The following ECE1 variants were observed in gnomAD, a reference collection of about 807,000 sequenced individuals.
ECE1 encodes endothelin converting enzyme 1.
Under a neutral mutation model 98.6 loss-of-function variants are expected in ECE1, and 35 were observed. That is an observed-to-expected ratio of 0.35 (90% CI 0.27 to 0.47). The LOEUF is 0.47. Among genes scored for constraint, ECE1 ranks in the 20% least tolerant of loss-of-function variants. The probability of loss-of-function intolerance (pLI) is 1.00; values close to 1 mark genes in which losing one functional copy is unlikely to be tolerated. For missense variants in ECE1, 814 were observed against 1,025.3 expected (o/e 0.79, Z 2.81); for synonymous variants, 394 against 407.1 (o/e 0.97, Z 0.39).
rs576756933 is a variant in ECE1, at chr1:21,345,208, G to A, written c.3+168C>T. 2.9e-5 allele frequency: 27 copies of A among 928,820 alleles called. No homozygotes were observed. In the African/African-American group the frequency reaches 4.4e-4, roughly 15 times the overall value. The allele number at this position is 928,820 out of a possible 1,614,324, so 57.5% of individuals were successfully genotyped here. ...CCGCCGGGAGAGCCGCGCTCTGCCC[G>A]GGCGCTCCCCGACTCCACGCCTTCC... On this transcript the variant is annotated intron_variant, in intron 1 of 18. Coordinates refer to the ECE1 transcript ENST00000415912. The surrounding 1 kb of genome is among the most constrained non-coding windows in gnomAD (Gnocchi z 5.1).
intron 8 of ECE1, among the ~76,000 whole-genome samples, chr1:21,251,409 G>A (rs1432200614): frequency 1.3e-5 from 2 of 152,128 alleles, no homozygotes; most frequent in African/African-American, 4.8e-5. Flanking sequence ...CAGCTACTTG[G>A]GAGGCTGAGG....
chr1:21,285,005 A>C (rs1388498735), intron 2 of ECE1, among the ~76,000 whole-genome samples: 3 of 152,076 alleles, frequency 2.0e-5, no homozygotes, highest in Admixed American at 6.5e-5. Context: ...CCCCAAAGTC[A>C]GTTTGGGGAA....
At chr1:21,223,116 A>C (rs917891541) in intron 17 of ECE1, among the ~76,000 whole-genome samples, 2 of 151,542 alleles carry the variant, frequency 1.3e-5, no homozygotes, top group Non-Finnish European at 2.9e-5. Flanking sequence ...CTGGAACCAC[A>C]GATGCACGCC....
intron 10 of ECE1, among the ~76,000 whole-genome samples, chr1:21,242,798 A>T (rs1354482665): frequency 6.6e-6 from 1 of 152,126 alleles, no homozygotes; most frequent in East Asian, 1.9e-4. Flanking sequence ...TTAAAAAGTG[A>T]TGGGGTCTTG....
intron 10 of ECE1, among the ~76,000 whole-genome samples, chr1:21,241,199 G>A (rs2282716): frequency 0.052 from 7,873 of 151,820 alleles, 301 homozygotes; most frequent in East Asian, 0.14. Context: ...ACTACCCCCG[G>A]TAATTTTTGT....
intron 1 of ECE1, among the ~76,000 whole-genome samples, chr1:21,304,524 T>G (rs1569715199): frequency 6.6e-6 from 1 of 152,072 alleles, no homozygotes; most frequent in South Asian, 2.1e-4. Context: ...TTTCTTACTT[T>G]TAAAAAAGAG....
chr1:21,244,718 G>A (rs1260688169), intron 10 of ECE1, among the ~76,000 whole-genome samples: 1 of 152,198 alleles, frequency 6.6e-6, no homozygotes, highest in Non-Finnish European at 1.5e-5. Flanking sequence ...CCTGTGCAAA[G>A]TGGGGCTAAT....
chr1:21,241,401 C>G (rs1055570224), intron 10 of ECE1, among the ~76,000 whole-genome samples: 1 of 151,382 alleles, frequency 6.6e-6, no homozygotes, highest in Non-Finnish European at 1.5e-5. Context: ...AAGGGATCAC[C>G]CAGGGAGTAA....
chr1:21,228,122 G>T (rs2098176850), intron 14 of ECE1, 81 bp from the exon 15 acceptor site: 1 of 1,152,792 alleles, frequency 8.7e-7, no homozygotes, highest in Non-Finnish European at 1.2e-6. Flanking sequence ...GCTGCTTGGG[G>T]ATCGGGAATA....
chr1:21,252,137 C>G (rs1558388007), intron 8 of ECE1, among the ~76,000 whole-genome samples: 3 of 152,214 alleles, frequency 2.0e-5, no homozygotes. Context: ...GATCAAGGTA[C>G]AGATATAAGA....
chr1:21,335,940 T>C (rs1639298240), intron 1 of ECE1, among the ~76,000 whole-genome samples: 1 of 152,120 alleles, frequency 6.6e-6, no homozygotes, highest in Non-Finnish European at 1.5e-5. Context: ...GGCCCTTCCC[T>C]ACCCTGCAGA....
At chr1:21,274,899 T>C (rs991648140) in intron 3 of ECE1, among the ~76,000 whole-genome samples, 17 of 152,176 alleles carry the variant, frequency 1.1e-4, no homozygotes, top group African/African-American at 3.6e-4. Context: ...GATGGTGCCA[T>C]TTTAAATATC....
intron 13 of ECE1, among the ~76,000 whole-genome samples, chr1:21,234,721 C>T (rs535777183): frequency 1.3e-5 from 2 of 152,214 alleles, no homozygotes; most frequent in South Asian, 4.1e-4. Flanking sequence ...TCAATCAATC[C>T]CCCCACCTCA....
intron 12 of ECE1, among the ~76,000 whole-genome samples, 189 bp from the exon 13 acceptor site, chr1:21,236,116 G>A (rs1357274049): frequency 6.6e-6 from 1 of 152,240 alleles, no homozygotes; most frequent in Non-Finnish European, 1.5e-5. Context: ...TTAGGTCTCT[G>A]TTTAAATGTC....
At chr1:21,261,121 G>A (rs2098226332) in intron 4 of ECE1, among the ~76,000 whole-genome samples, 1 of 152,162 alleles carries the variant, frequency 6.6e-6, no homozygotes, top group African/African-American at 2.4e-5. Flanking sequence ...GGTCCACAAG[G>A]GACCCACTAT....
At chr1:21,264,604 C>T (rs1279469713) in intron 4 of ECE1, among the ~76,000 whole-genome samples, 3 of 152,142 alleles carry the variant, frequency 2.0e-5, no homozygotes, top group Non-Finnish European at 2.9e-5. Flanking sequence ...CGTCAGCCAC[C>T]GCACCCAGCC....
At chr1:21,249,563 G>A (rs1280282069) in intron 8 of ECE1, among the ~76,000 whole-genome samples, 1 of 152,016 alleles carries the variant, frequency 6.6e-6, no homozygotes, top group Non-Finnish European at 1.5e-5. Context: ...GCTAGGCATG[G>A]AGGTCTGAGC....
intron 8 of ECE1, among the ~76,000 whole-genome samples, chr1:21,250,386 T>C (rs879513687): frequency 1.1e-4 from 17 of 152,220 alleles, no homozygotes; most frequent in South Asian, 6.2e-4. Context: ...TTATATATAC[T>C]GCTACAGCAA....
rs551868551 is a variant in ECE1 at position 21,233,841 on chromosome 1, A to G, written c.1567-180T>C. Reference sequence around the variant, plus strand: ...CCTTCACCCTGGGGCACGAGATGGAATGACACCGTTGCAGGATGTGCCTAC... The same window carrying G: ...CCTTCACCCTGGGGCACGAGATGGAGTGACACCGTTGCAGGATGTGCCTAC... On this transcript the variant is annotated intron_variant, in intron 13 of 18. Transcript: ENST00000374893. The surrounding 1 kb of genome is among the most constrained non-coding windows in gnomAD (Gnocchi z 4.0). Among the ~76,000 whole-genome samples the G allele has an allele frequency of 3.3e-5, 5 of 152,210 alleles. No individual in the cohort carries two copies. The highest frequency in any genetic ancestry group is 3.3e-4 in the Admixed American group (5 of 15,286).
Sources: gnomAD v4.1 joint callset for allele counts (sites outside exome capture counted in the v4.1 genomes callset) on GRCh38, gnomAD v4.1.1 for gene constraint, Gnocchi (gnomAD v3.1) non-coding constraint, MANE v1.5 for transcripts, NCBI Gene and HGNC (gene_info 2026-07-23, HGNC 2026-07-21) for gene names.